The following ZBTB20 variants were observed in gnomAD, a reference collection of about 807,000 sequenced individuals.
ZBTB20 encodes zinc finger and BTB domain containing 20.
ZBTB20 carries 9 observed loss-of-function variants against 56.9 expected under a neutral mutation model. That is an observed-to-expected ratio of 0.16 (90% CI 0.10 to 0.28). The LOEUF is 0.28. ZBTB20 is among the 10% of genes least tolerant of loss of function. The pLI is 1.00. For missense variants in ZBTB20, 655 were observed against 1,003.0 expected, an observed-to-expected ratio of 0.65 and a Z score of 4.69; for synonymous variants, 417 against 420.7, an observed-to-expected ratio of 0.99 and a Z score of 0.11.
intron 2 of ZBTB20, among the ~76,000 whole-genome samples, chr3:115,047,658 G>T (rs2108420891): frequency 6.6e-6 from 1 of 152,256 alleles, no homozygotes; most frequent in Middle Eastern, 3.4e-3. Context: ...TAAACAATCT[G>T]CAAGTTATGT....
chr3:114,805,402 T>C (rs1300220658), intron 4 of ZBTB20, among the ~76,000 whole-genome samples: 2 of 151,876 alleles, frequency 1.3e-5, no homozygotes, highest in Admixed American at 6.6e-5. Context: ...TGGTCAGATA[T>C]TTTGTGAAAC....
intron 2 of ZBTB20, 93 bp from the exon 3 acceptor site, chr3:114,974,509 G>A (rs1339668993): frequency 6.6e-6 from 1 of 152,236 alleles, no homozygotes; most frequent in Non-Finnish European, 1.5e-5. Flanking sequence ...CTGAGTTTGT[G>A]TATGCCAACT....
chr3:115,095,933 T>C (rs1045089997), intron 1 of ZBTB20, among the ~76,000 whole-genome samples: 3 of 152,210 alleles, frequency 2.0e-5, no homozygotes, highest in African/African-American at 7.2e-5. Flanking sequence ...CTGGAGATTA[T>C]GCAAAATGCT....
intron 2 of ZBTB20, among the ~76,000 whole-genome samples, chr3:115,036,219 G>A (rs754571471): frequency 6.6e-6 from 1 of 151,788 alleles, no homozygotes; most frequent in Non-Finnish European, 1.5e-5. Flanking sequence ...ATTGAATAAG[G>A]TGGTGTATTT....
At chr3:114,397,707 A>G (rs183605370) in intron 7 of ZBTB20, among the ~76,000 whole-genome samples, 89 of 152,214 alleles carry the variant, frequency 5.8e-4, no homozygotes, top group African/African-American at 2.0e-3. Flanking sequence ...TAAGTTTAGG[A>G]AACACTGAAA....
intron 3 of ZBTB20, among the ~76,000 whole-genome samples, chr3:114,919,824 A>G (rs1364478537): frequency 1.3e-5 from 2 of 152,244 alleles, no homozygotes; most frequent in African/African-American, 4.8e-5. Context: ...CAAAATACAA[A>G]GAGTGGCTCA....
intron 6 of ZBTB20, among the ~76,000 whole-genome samples, chr3:114,675,547 C>T (rs1336198098): frequency 6.6e-6 from 1 of 152,088 alleles, no homozygotes; most frequent in Non-Finnish European, 1.5e-5. Flanking sequence ...CTTGACATTA[C>T]TATTTTCTTA....
chr3:114,995,414 A>C (rs1280361050), intron 2 of ZBTB20, among the ~76,000 whole-genome samples: 1 of 151,906 alleles, frequency 6.6e-6, no homozygotes, highest in African/African-American at 2.4e-5. Context: ...TTAGCATGCC[A>C]TTCTAAATCC....
Position 115,127,552 on chromosome 3 carries a change from C to T in ZBTB20, c.-703+19667G>A, listed in dbSNP as rs376324482. 1.3e-4 allele frequency among the ~76,000 whole-genome samples: 20 copies of T among 152,130 alleles called. No individual in the cohort carries two copies. In the South Asian group the frequency reaches 2.3e-3, roughly 17 times the overall value. On this transcript the variant is annotated intron_variant, in intron 1 of 11. Coordinates refer to ENST00000675478, the MANE Select transcript of ZBTB20 (RefSeq NM_001348800.3). ...GGGATTGCAGTAAGCTGAGATCATG[C>T]CATGCACTCCAGCCTGGGCAATAAA...
At chr3:115,064,815 C>A (rs1306547260) in intron 2 of ZBTB20, among the ~76,000 whole-genome samples, 1 of 152,058 alleles carries the variant, frequency 6.6e-6, no homozygotes, top group East Asian at 1.9e-4. Flanking sequence ...AAATCAGATA[C>A]CATTCTGGTT....
At chr3:114,678,418 G>A (rs887481739) in intron 6 of ZBTB20, among the ~76,000 whole-genome samples, 4 of 152,162 alleles carry the variant, frequency 2.6e-5, no homozygotes, top group African/African-American at 9.7e-5. Flanking sequence ...GAGCTTTGCT[G>A]TAACCAACTC....
intron 6 of ZBTB20, among the ~76,000 whole-genome samples, chr3:114,575,594 A>T (rs1293439008): frequency 6.8e-6 from 1 of 147,298 alleles, no homozygotes; most frequent in African/African-American, 2.6e-5. Flanking sequence ...TAAAAAATAA[A>T]AAAAAAAAAA....
At chr3:114,605,945 C>G (rs1384249371) in intron 6 of ZBTB20, among the ~76,000 whole-genome samples, 6 of 152,094 alleles carry the variant, frequency 3.9e-5, no homozygotes, top group Non-Finnish European at 8.8e-5. Flanking sequence ...TCAGGCCCAT[C>G]CAGATTGTGA....
At chr3:114,960,144 C>G (rs1315725426) in intron 3 of ZBTB20, among the ~76,000 whole-genome samples, 1 of 152,132 alleles carries the variant, frequency 6.6e-6, no homozygotes, top group Admixed American at 6.6e-5. Flanking sequence ...AATGCAGTAA[C>G]TAGAATATAT....
In ZBTB20 at chr3:114,787,368, T is replaced by TACACATAC. The variant is rs1553821530; in HGVS notation, c.-343+13732_-343+13733insGTATGTGT. Among the ~76,000 whole-genome samples the TACACATAC allele has an allele frequency of 2.3e-3, 243 of 106,302 alleles. 10 individuals are homozygous for TACACATAC. The highest frequency in any genetic ancestry group is 0.011 in the African/African-American group (233 of 22,042). 69.7% of individuals were successfully genotyped at this position (106,302 alleles called of 152,430 possible). On this transcript the variant is annotated intron_variant, in intron 5 of 11. Coordinates refer to ENST00000675478, the MANE Select transcript of ZBTB20 (RefSeq NM_001348800.3). Reference sequence around the variant, plus strand: ...ATATATATATATATATATATATATATACACACACACACACACACACACACA... The same window carrying TACACATAC: ...ATATATATATATATATATATATATATACACATACACACACACACACACACACACACACA...
rs60383315 is a variant in ZBTB20, at chr3:114,315,568, A to AGTGT, written c.*23433_*23436dup. ...GTGTGTATTTTAGGTCTAAACATAC[A>AGTGT]GTGTGTGTGTGTGTGTGTGTGTGTG... On this transcript the variant is annotated 3_prime_UTR_variant, in exon 12 of 12. Coordinates refer to ENST00000675478, the MANE Select transcript of ZBTB20 (RefSeq NM_001348800.3). The AGTGT allele has an allele frequency of 0.095, 14,067 of 147,400 alleles. 705 individuals carry two copies. Among genetic ancestry groups the AGTGT allele is most frequent in the African/African-American group, 0.11 (4,312 of 39,788 alleles). 9.1% of individuals were successfully genotyped at this position (147,400 alleles called of 1,614,324 possible).
intron 6 of ZBTB20, among the ~76,000 whole-genome samples, chr3:114,644,602 C>T (rs1384800461): frequency 6.6e-6 from 1 of 152,072 alleles, no homozygotes; most frequent in African/African-American, 2.4e-5. Context: ...CAAAGAACAA[C>T]AGGTGCTGCA....
chr3:115,064,289 G>A (rs1016503470), intron 2 of ZBTB20, among the ~76,000 whole-genome samples: 3 of 151,930 alleles, frequency 2.0e-5, no homozygotes, highest in Admixed American at 6.6e-5. Flanking sequence ...TCACTTGGAC[G>A]TAGCATACCC....
intron 5 of ZBTB20, among the ~76,000 whole-genome samples, chr3:114,716,812 T>A (rs2064513660): frequency 6.6e-6 from 1 of 152,132 alleles, no homozygotes; most frequent in Non-Finnish European, 1.5e-5. Flanking sequence ...CACTTGGTTC[T>A]GTATTATGAA....
Sources: allele counts gnomAD v4.1 joint callset (sites outside exome capture counted in the v4.1 genomes callset), GRCh38; gene constraint gnomAD v4.1.1; transcripts MANE v1.5; gene names NCBI Gene and HGNC (gene_info 2026-07-23, HGNC 2026-07-21).